The following RAB11FIP5 variants were observed in gnomAD, a reference collection of about 807,000 sequenced individuals.
RAB11FIP5 encodes rab11 family-interacting protein 5.
Under a neutral mutation model 85.1 loss-of-function variants are expected in RAB11FIP5, and 48 were observed. The observed-to-expected ratio is 0.56, with a 90% CI of 0.45 to 0.72. The LOEUF is 0.72. Ranked by LOEUF, RAB11FIP5 falls within the 30% of genes least tolerant of loss-of-function variation. The pLI is 0.00. For synonymous variants in RAB11FIP5, 729 were observed against 727.3 expected, an observed-to-expected ratio of 1.00 and a Z score of -0.04; for missense variants, 1,491 against 1,687.0, an observed-to-expected ratio of 0.88 and a Z score of 2.04.
chr2:73,084,361 T>C (rs574954499), intron 3 of RAB11FIP5: 1 of 152,324 alleles, frequency 6.6e-6, no homozygotes, highest in Admixed American at 6.5e-5. Context: ...TATTCCCACG[T>C]ATGCTTGTCT....
At position 73,089,453 on chromosome 2, in the gene RAB11FIP5, C is replaced by T; in HGVS notation, c.432-138G>A. Reference sequence around the variant, plus strand: ...TCTCCCCAAAGGCTCCTGCTCTGACCCATCGGCCTGGGCTTCCAGGCTTCA... The same window carrying T: ...TCTCCCCAAAGGCTCCTGCTCTGACTCATCGGCCTGGGCTTCCAGGCTTCA... On this transcript the variant is annotated intron_variant, in intron 1 of 5. Transcript: ENST00000486777. This position sits in a 1 kb window ranked among gnomAD's most constrained non-coding sequence, Gnocchi z 4.6. The T allele has an allele frequency of 1.1e-6, 1 of 889,758 alleles. No individual in the cohort carries two copies. Among genetic ancestry groups the T allele is most frequent in the Non-Finnish European group, 1.9e-6 (1 of 535,198 alleles). 55.1% of individuals were successfully genotyped at this position (889,758 alleles called of 1,614,324 possible). A position where few individuals can be genotyped will look rare whatever the true frequency, so the allele number is the denominator to read the frequency against.
rs1209629292 is a variant in RAB11FIP5, at chr2:73,077,629, A to G, written c.3582-1447T>C. Among the ~76,000 whole-genome samples, 5 of 152,288 alleles carry G rather than the reference A, an allele frequency of 3.3e-5. No individual in the cohort carries two copies. In the East Asian group the frequency reaches 5.8e-4, roughly 18 times the overall value. On this transcript the variant is annotated intron_variant, in intron 4 of 5. Transcript: ENST00000486777. Reference sequence around the variant, plus strand: ...TTCTTACCAAGATCTTACAAAAGCTATTCTTCTGTCTGGAACAACATTGCC... The same window carrying G: ...TTCTTACCAAGATCTTACAAAAGCTGTTCTTCTGTCTGGAACAACATTGCC...
At chr2:73,087,503 C>T (rs1684112378) in intron 3 of RAB11FIP5, among the ~76,000 whole-genome samples, 1 of 152,150 alleles carries the variant, frequency 6.6e-6, no homozygotes, top group Non-Finnish European at 1.5e-5. Context: ...CAGCCTCTTG[C>T]CTGGGGAAGC....
In RAB11FIP5 at chr2:73,089,003, G is replaced by A. The variant is rs757672979; in HGVS notation, c.744C>T (p.Ser248=). The change falls in exon 2 of 6, where the codon TCC becomes TCT. Residue 248 remains serine (S), a synonymous_variant. Coordinates refer to ENST00000486777, the MANE Select transcript of RAB11FIP5 (RefSeq NM_001371272.1). This position sits in a 1 kb window ranked among gnomAD's most constrained non-coding sequence, Gnocchi z 4.6. The part of the protein sequence containing the change: ...NKLRKSSLTQ[S]NTSLGSDSTL... Reference sequence around the variant, plus strand: ...TGCTGTCCGAGCCCAGCGAGGTGTTGGACTGGGTCAGGGACGACTTGCGCA... The same window carrying A: ...TGCTGTCCGAGCCCAGCGAGGTGTTAGACTGGGTCAGGGACGACTTGCGCA... 1.9e-6 allele frequency: 3 copies of A among 1,614,224 alleles called. No individual in the cohort carries two copies. The highest frequency in any genetic ancestry group is 1.7e-6 in the Non-Finnish European group (2 of 1,180,032).
Position 73,112,557 on chromosome 2 carries a change from G to A in RAB11FIP5, c.221C>T (p.Ser74Phe), listed in dbSNP as rs1415950441. 1 of 1,570,798 alleles carries A rather than the reference G, an allele frequency of 6.4e-7. No individual in the cohort carries two copies. Among genetic ancestry groups the A allele is most frequent in the Non-Finnish European group, 8.6e-7 (1 of 1,161,176 alleles). The change falls in exon 1 of 6, where the codon TCC becomes TTC. Residue 74 changes from serine to phenylalanine, a missense_variant. Coordinates refer to ENST00000486777, the MANE Select transcript of RAB11FIP5 (RefSeq NM_001371272.1). Reference protein sequence around the residue: ...HGCPEWREECSFELPPGALDG... With the variant: ...HGCPEWREECFFELPPGALDG... ...CAGGGCCCCCGGCGGCAGCTCGAAG[G>A]AGCACTCCTCACGCCACTCGGGGCA...
rs752031358 is a variant in RAB11FIP5 at position 73,112,658 on chromosome 2, G to A, written c.120C>T (p.Ser40=). ...GLRGKSSGAG[S]TSDAYTVIQV... ...GGATCACCGTGTACGCGTCGCTGGT[G>A]CTGCCCGCTCCCGAGCTCTTGCCCC... is the stretch of plus-strand genomic sequence containing the variant. The change falls in exon 1 of 6, where the codon AGC becomes AGT. Residue 40 remains serine (S), a synonymous_variant. Transcript: ENST00000486777. 24 of 1,597,268 alleles carry A rather than the reference G, an allele frequency of 1.5e-5. No homozygotes were observed. Among genetic ancestry groups the A allele is most frequent in the Admixed American group, 1.2e-4 (7 of 58,642 alleles).
At chr2:73,108,545 TTGCTGC>T (rs1684575160) in intron 1 of RAB11FIP5, among the ~76,000 whole-genome samples, 4 of 152,328 alleles carry the variant, frequency 2.6e-5, no homozygotes, top group Admixed American at 2.6e-4. Flanking sequence ...TCCAAAACCT[TTGCTGC>T]TGCTTCCTTC....
chr2:73,095,181 T>C (rs537547617), intron 1 of RAB11FIP5, among the ~76,000 whole-genome samples: 1 of 152,270 alleles, frequency 6.6e-6, no homozygotes, highest in South Asian at 2.1e-4. Context: ...AGCCAGCACA[T>C]GCTCAGGACA....
intron 1 of RAB11FIP5, among the ~76,000 whole-genome samples, chr2:73,104,110 A>C (rs894039861): frequency 3.9e-5 from 6 of 152,162 alleles, no homozygotes; most frequent in Admixed American, 3.9e-4. Context: ...GGGAAGAAAA[A>C]ACACAACGCA....
intron 1 of RAB11FIP5, among the ~76,000 whole-genome samples, chr2:73,093,495 A>T (rs2106115111): frequency 6.6e-6 from 1 of 152,312 alleles, no homozygotes; most frequent in East Asian, 1.9e-4. Context: ...CAAAGTAAAG[A>T]AATCATGCAT....
intron 3 of RAB11FIP5, among the ~76,000 whole-genome samples, chr2:73,085,456 C>G (rs1238507742): frequency 6.6e-6 from 1 of 152,200 alleles, no homozygotes; most frequent in Non-Finnish European, 1.5e-5. Flanking sequence ...TTGGCCCTGG[C>G]GGGTTTAAAA....
intron 1 of RAB11FIP5, among the ~76,000 whole-genome samples, chr2:73,095,014 A>G (rs937079988): frequency 3.9e-5 from 6 of 151,952 alleles, no homozygotes; most frequent in African/African-American, 1.5e-4. Flanking sequence ...CCTGACACCC[A>G]CCTGGTGCTC....
intron 1 of RAB11FIP5, among the ~76,000 whole-genome samples, chr2:73,091,263 G>A (rs144067171): frequency 6.6e-6 from 1 of 152,294 alleles, no homozygotes; most frequent in African/African-American, 2.4e-5. Context: ...GAACAGCACT[G>A]GAGTCTTCCT....
Position 73,112,861 on chromosome 2 carries a change from T to C in RAB11FIP5, c.-84A>G. On this transcript the variant is annotated 5_prime_UTR_variant, in exon 1 of 6. Transcript: ENST00000486777. Reference sequence around the variant, plus strand: ...CAAACCCGGCCGCGGCAGAAGGCGGTCAGGAACCAACTCTGAGCGCCGCCG... The same window carrying C: ...CAAACCCGGCCGCGGCAGAAGGCGGCCAGGAACCAACTCTGAGCGCCGCCG... 1 of 1,265,152 alleles carries C rather than the reference T, an allele frequency of 7.9e-7. No homozygotes were observed. Among genetic ancestry groups the C allele is most frequent in the Non-Finnish European group, 1.0e-6 (1 of 988,344 alleles). 78.4% of individuals were successfully genotyped at this position (1,265,152 alleles called of 1,614,324 possible). A position where few individuals can be genotyped will look rare whatever the true frequency, so the allele number is the denominator to read the frequency against.
intron 1 of RAB11FIP5, among the ~76,000 whole-genome samples, chr2:73,096,793 C>T (rs1684327822): frequency 6.6e-6 from 1 of 152,286 alleles, no homozygotes; most frequent in South Asian, 2.1e-4. Context: ...TCACTCAGCA[C>T]CTTTTGGGGC....
At position 73,076,118 on chromosome 2, in the gene RAB11FIP5, G is replaced by A. The variant is rs1269984536; in HGVS notation, c.3646C>T (p.Arg1216Cys). Residue 1216 changes from arginine to cysteine, a missense_variant, in exon 5 of 6, where the codon CGC (arginine) becomes TGC (cysteine). By Grantham distance (180) the Arg-to-Cys change is radical. Coordinates refer to ENST00000486777, the MANE Select transcript of RAB11FIP5 (RefSeq NM_001371272.1). ...VEGSPDRKQS[R>C]SSLSIALSSG... ...CTCAGGGCTATGCTCAGACTGGAGC[G>A]GGACTGCTTCCTGTCGGGGCTGCCC... The A allele has an allele frequency of 1.5e-5, 24 of 1,613,840 alleles. No individual in the cohort carries two copies. Among genetic ancestry groups the A allele is most frequent in the Non-Finnish European group, 1.9e-5 (23 of 1,179,834 alleles).
At position 73,079,871 on chromosome 2, in the gene RAB11FIP5, GC is replaced by G; in HGVS notation, c.3360del (p.Ser1122AlafsTer13). The G allele has an allele frequency of 8.1e-7, 1 of 1,232,512 alleles. No homozygotes were observed. Among genetic ancestry groups the G allele is most frequent in the Non-Finnish European group, 1.0e-6 (1 of 988,260 alleles). The allele number at this position is 1,232,512 out of a possible 1,614,324, so 76.3% of individuals were successfully genotyped here. On this transcript the variant is annotated frameshift_variant, in exon 4 of 6. Transcript: ENST00000486777. LOFTEE classifies it high-confidence loss of function. The part of the protein sequence containing the change: ...LPPWASHHRG[G>X]PSPPCSPLSE... ...GACAGGGGAGAGCATGGAGGGCTGG[GC>G]CCCCCACGGTGGTGGCTGGCCCAAG...
chr2:73,075,980 T>C lies in RAB11FIP5; in HGVS notation c.3771+13A>G, dbSNP rs367766523. 10 of 1,608,106 alleles carry C rather than the reference T, an allele frequency of 6.2e-6. No individual in the cohort carries two copies. Among genetic ancestry groups the C allele is most frequent in the Non-Finnish European group, 8.5e-6 (10 of 1,175,742 alleles). On this transcript the variant is annotated intron_variant, in intron 5 of 5. Transcript: ENST00000486777. The surrounding 1 kb of genome is among the most constrained non-coding windows in gnomAD (Gnocchi z 4.6). ...ATTCTGTCAGATGGCCCCCACACCC[T>C]GCTGGGCCTTACCTTCAGCCTTTTG...
intron 1 of RAB11FIP5, 120 bp downstream of exon 1, chr2:73,112,227 A>G (rs1396254272): frequency 8.6e-7 from 1 of 1,163,614 alleles, no homozygotes; most frequent in Non-Finnish European, 1.1e-6. Flanking sequence ...CTGTCGGTTT[A>G]CGCCCTTAAG....
Sources: allele counts gnomAD v4.1 joint callset (sites outside exome capture counted in the v4.1 genomes callset), GRCh38; gene constraint gnomAD v4.1.1; non-coding constraint Gnocchi (gnomAD v3.1); transcripts MANE v1.5; gene names NCBI Gene and HGNC (gene_info 2026-07-23, HGNC 2026-07-21).